MLIP: variants seen among roughly 807,000 people sequenced by gnomAD.
The protein encoded by MLIP is muscular LMNA interacting protein.
MLIP carries 79 observed loss-of-function variants against 84.8 expected under a neutral mutation model. The ratio of observed to expected loss-of-function variants is 0.93; its 90% CI spans 0.78 to 1.12. MLIP has a LOEUF of 1.12. Ranked by LOEUF, MLIP falls within the 50% of genes most tolerant of loss-of-function variation. The pLI, the probability that MLIP is intolerant of heterozygous loss-of-function variation, is 0.00. For synonymous variants in MLIP, 504 were observed against 463.0 expected, an observed-to-expected ratio of 1.09 and a Z score of -1.14; for missense variants, 1,257 against 1,160.6, an observed-to-expected ratio of 1.08 and a Z score of -1.21.
intron 4 of MLIP, among the ~76,000 whole-genome samples, chr6:54,140,055 T>C (rs879913085): frequency 5.9e-5 from 9 of 152,180 alleles, no homozygotes; most frequent in Non-Finnish European, 1.2e-4. Context: ...TATTATATTT[T>C]AAATACATAT....
At chr6:54,221,447 T>A (rs926176521) in intron 11 of MLIP, among the ~76,000 whole-genome samples, 2 of 152,010 alleles carry the variant, frequency 1.3e-5, no homozygotes, top group African/African-American at 4.8e-5. Context: ...GTATTCCAGG[T>A]ACCTACCACA....
chr6:54,198,833 G>A (rs531440978), intron 10 of MLIP, among the ~76,000 whole-genome samples: 3 of 152,032 alleles, frequency 2.0e-5, no homozygotes, highest in East Asian at 1.9e-4. Context: ...TCTTGGCCAT[G>A]CAAATTATGG....
At chr6:54,189,614 G>T (rs1204806460) in intron 9 of MLIP, among the ~76,000 whole-genome samples, 1 of 152,022 alleles carries the variant, frequency 6.6e-6, no homozygotes, top group Non-Finnish European at 1.5e-5. Flanking sequence ...AAATGAGAAA[G>T]AAAAGCAGCA....
intron 11 of MLIP, among the ~76,000 whole-genome samples, chr6:54,223,329 CAAT>C (rs1334584330): frequency 2.0e-5 from 3 of 150,972 alleles, no homozygotes; most frequent in African/African-American, 7.3e-5. Context: ...ATACCCACAA[CAAT>C]GTCAAGCAGA....
intron 4 of MLIP, 102 bp from the exon 5 acceptor site, chr6:54,148,954 C>A: frequency 1.1e-6 from 1 of 891,232 alleles, no homozygotes. Flanking sequence ...CCCTTTTCTT[C>A]ATTTGATAAC....
At chr6:54,157,797 C>T (rs1301630583) in intron 5 of MLIP, among the ~76,000 whole-genome samples, 1 of 151,934 alleles carries the variant, frequency 6.6e-6, no homozygotes, top group Non-Finnish European at 1.5e-5. Flanking sequence ...CAGTTCCTGC[C>T]AATCATTTCT....
chr6:54,071,201 GTCT>G (rs1283154261), intron 1 of MLIP, among the ~76,000 whole-genome samples: 4 of 151,880 alleles, frequency 2.6e-5, no homozygotes, highest in African/African-American at 9.7e-5. Context: ...CTACTGTATG[GTCT>G]TCTATTATGA....
In MLIP at chr6:54,137,590, C is replaced by T; in HGVS notation, c.1521C>T (p.Ser507=). Residue 507 remains serine (S), a synonymous_variant, in exon 4 of 14, where the codon TCC becomes TCT. Coordinates refer to ENST00000502396, the MANE Select transcript of MLIP (RefSeq NM_001281747.2). Reference sequence around the variant, plus strand: ...CTACTCCGCTTTCTCAGGCGCCCTCCCTCTCTCCTACAAAACAGGCTAGTA... The same window carrying T: ...CTACTCCGCTTTCTCAGGCGCCCTCTCTCTCTCCTACAAAACAGGCTAGTA... The part of the protein sequence containing the change: ...TKSTPLSQAP[S]LSPTKQASSS... 1.3e-6 allele frequency: 2 copies of T among 1,536,112 alleles called. No homozygotes were observed. The highest frequency in any genetic ancestry group is 1.4e-5 in the African/African-American group (1 of 73,140).
intron 1 of MLIP, among the ~76,000 whole-genome samples, chr6:54,068,960 T>C (rs1411473416): frequency 2.0e-5 from 2 of 100,964 alleles, no homozygotes; most frequent in African/African-American, 5.1e-5. Flanking sequence ...GGTGTAGCTA[T>C]GAAATGTCAA....
intron 12 of MLIP, among the ~76,000 whole-genome samples, chr6:54,251,699 A>G (rs1473597881): frequency 1.0e-5 from 1 of 95,614 alleles, no homozygotes; most frequent in East Asian, 2.7e-4. Flanking sequence ...TATATATTAT[A>G]ACATATGATA....
rs539859143 is a variant in MLIP, at chr6:54,135,871, C to A, written c.646-844C>A. Among the ~76,000 whole-genome samples the A allele has an allele frequency of 4.6e-5, 7 of 152,252 alleles. No individual in the cohort carries two copies. The South Asian group carries it at 1.4e-3, about 32-fold the overall frequency. On this transcript the variant is annotated intron_variant, in intron 3 of 13. Transcript: ENST00000502396. ...CAGTTGTTTCACAGGCTCTCCCTAG[C>A]TTCTCTTGTAAAATGATGAATTGTT... is the stretch of plus-strand genomic sequence containing the variant.
intron 1 of MLIP, among the ~76,000 whole-genome samples, chr6:54,088,618 A>G (rs1028275750): frequency 1.1e-4 from 16 of 152,162 alleles, no homozygotes; most frequent in African/African-American, 3.9e-4. Context: ...GTTTCTATGA[A>G]GCTCAAAAAG....
intron 1 of MLIP, among the ~76,000 whole-genome samples, chr6:54,066,283 CCTT>C (rs202056746): frequency 0.018 from 1,804 of 100,134 alleles, 480 homozygotes; most frequent in South Asian, 0.022. Context: ...AGCCAGGTGT[CCTT>C]CTCAAAATAA....
intron 11 of MLIP, chr6:54,216,100 T>C (rs2150756718): frequency 1.1e-6 from 1 of 943,380 alleles, no homozygotes; most frequent in South Asian, 4.9e-5. Flanking sequence ...CCATATCTAA[T>C]TGTTAAGAAT....
At position 54,160,362 on chromosome 6, in the gene MLIP, A is replaced by G. The variant is rs1032818379; in HGVS notation, c.2290-5A>G. ...TCATATAAGAACTATTTCATTTGTC[A>G]CTAGGCACTAGATGAACCAGCCAAG... is the stretch of plus-strand genomic sequence containing the variant. On this transcript the variant is annotated splice_region_variant and splice_polypyrimidine_tract_variant and intron_variant, in intron 5 of 13. Coordinates refer to ENST00000502396, the MANE Select transcript of MLIP (RefSeq NM_001281747.2). 3 of 1,610,760 alleles carry G rather than the reference A, an allele frequency of 1.9e-6. No homozygotes were observed. The highest frequency in any genetic ancestry group is 1.7e-6 in the Non-Finnish European group (2 of 1,177,954).
At chr6:54,170,215 A>G (rs1007875569) in intron 9 of MLIP, among the ~76,000 whole-genome samples, 4 of 151,768 alleles carry the variant, frequency 2.6e-5, no homozygotes, top group African/African-American at 7.2e-5. Context: ...GTATTCTAGT[A>G]GAAACAAGAT....
intron 1 of MLIP, among the ~76,000 whole-genome samples, chr6:54,092,895 A>G (rs559274673): frequency 4.0e-5 from 6 of 151,582 alleles, no homozygotes; most frequent in Admixed American, 3.9e-4. Context: ...CTTTTGAGAG[A>G]GAGTCTTCAC....
chr6:54,081,768 C>A (rs1474235668), intron 1 of MLIP, among the ~76,000 whole-genome samples: 2 of 152,100 alleles, frequency 1.3e-5, no homozygotes, highest in African/African-American at 2.4e-5. Context: ...CCCCAGCAGA[C>A]TTTTGGATAC....
At chr6:54,170,989 G>T (rs1481932985) in intron 9 of MLIP, among the ~76,000 whole-genome samples, 2 of 151,330 alleles carry the variant, frequency 1.3e-5, no homozygotes, top group African/African-American at 4.8e-5. Context: ...CAAAAAAGTT[G>T]CTGCAATTTT....
Sources: gnomAD v4.1 joint callset for allele counts (sites outside exome capture counted in the v4.1 genomes callset) on GRCh38, gnomAD v4.1.1 for gene constraint, MANE v1.5 for transcripts, NCBI Gene and HGNC (gene_info 2026-07-23, HGNC 2026-07-21) for gene names.